The following ENTREP2 variants were observed in gnomAD, a reference collection of about 807,000 sequenced individuals.
The protein encoded by ENTREP2 is endosomal transmembrane epsin interactor 2.
chr15:29,418,635 C>T, the ENTREP2 span, among the ~76,000 whole-genome samples: 1 of 152,192 alleles, frequency 6.6e-6, no homozygotes, highest in Admixed American at 6.5e-5. Flanking sequence ...TCATCAGTGT[C>T]CCCAGTAAGA....
the ENTREP2 span, among the ~76,000 whole-genome samples, chr15:29,312,997 C>G: frequency 1.2e-3 from 178 of 152,302 alleles, 2 homozygotes; most frequent in South Asian, 7.7e-3. Context: ...CACGAATGAT[C>G]AAGAAAACAG....
chr15:29,485,138 A>C, the ENTREP2 span, among the ~76,000 whole-genome samples: 1 of 152,280 alleles, frequency 6.6e-6, no homozygotes, highest in Admixed American at 6.5e-5. Context: ...TCAAGCAAAA[A>C]CTGTCAGAAT....
chr15:29,125,547 C>T, the ENTREP2 span, among the ~76,000 whole-genome samples: 3 of 152,176 alleles, frequency 2.0e-5, no homozygotes, highest in African/African-American at 4.8e-5. Context: ...GGACCCACTG[C>T]GCCCTCTTCA....
chr15:29,649,093 G>C, the ENTREP2 span, among the ~76,000 whole-genome samples: 1 of 129,076 alleles, frequency 7.7e-6, no homozygotes, highest in African/African-American at 3.2e-5. Flanking sequence ...CACACACACA[G>C]CTATTATGCC....
the ENTREP2 span, among the ~76,000 whole-genome samples, chr15:29,150,872 T>C: frequency 1.3e-5 from 2 of 151,818 alleles, no homozygotes; most frequent in Non-Finnish European, 2.9e-5. Context: ...GGAAGCAGCG[T>C]AGGTCTCAAA....
chr15:29,155,021 G>A, the ENTREP2 span, among the ~76,000 whole-genome samples: 5 of 152,132 alleles, frequency 3.3e-5, no homozygotes, highest in Admixed American at 1.3e-4. Flanking sequence ...GGTGGCTCAT[G>A]CCTGTAATCC....
At chr15:29,535,371 A>G in the ENTREP2 span, among the ~76,000 whole-genome samples, 1 of 150,934 alleles carries the variant, frequency 6.6e-6, no homozygotes, top group Non-Finnish European at 1.5e-5. Flanking sequence ...AAAAGACAAT[A>G]GTTTCAGTGT....
the ENTREP2 span, among the ~76,000 whole-genome samples, chr15:29,131,349 T>C: frequency 6.6e-6 from 1 of 151,826 alleles, no homozygotes; most frequent in African/African-American, 2.4e-5. Flanking sequence ...TCACAACTCC[T>C]TGTCTCGCAC....
At chr15:29,464,203 T>C in the ENTREP2 span, among the ~76,000 whole-genome samples, 4 of 151,970 alleles carry the variant, frequency 2.6e-5, no homozygotes, top group Non-Finnish European at 5.9e-5. Flanking sequence ...GTAAATGTTA[T>C]GTTATAGATA....
the ENTREP2 span, among the ~76,000 whole-genome samples, chr15:29,529,768 C>T: frequency 3.9e-5 from 6 of 152,082 alleles, no homozygotes; most frequent in Non-Finnish European, 5.9e-5. Flanking sequence ...CTCAAATGAG[C>T]TAATAAAATT....
chr15:29,409,787 T>C, the ENTREP2 span, among the ~76,000 whole-genome samples: 1 of 152,152 alleles, frequency 6.6e-6, no homozygotes, highest in Non-Finnish European at 1.5e-5. Context: ...CGATGTTTTT[T>C]AAATTTCCAC....
chr15:29,364,651 T>C, the ENTREP2 span, among the ~76,000 whole-genome samples: 2 of 152,224 alleles, frequency 1.3e-5, no homozygotes, highest in Admixed American at 6.5e-5. Flanking sequence ...GAGACAGAGA[T>C]AGATCATGCC....
chr15:29,264,879 ATATG>A, the ENTREP2 span: 1 of 152,238 alleles, frequency 6.6e-6, no homozygotes, highest in Admixed American at 6.5e-5. Flanking sequence ...ATTTTGAGCT[ATATG>A]TATTTAAAAA....
chr15:29,594,993 A>G, the ENTREP2 span, among the ~76,000 whole-genome samples: 497 of 140,178 alleles, frequency 3.5e-3, 12 homozygotes, highest in Admixed American at 0.035. Flanking sequence ...GCGTGAACCC[A>G]GGAGGCGGAG....
chr15:29,625,904 T>A, the ENTREP2 span, among the ~76,000 whole-genome samples: 1 of 152,036 alleles, frequency 6.6e-6, no homozygotes, highest in Non-Finnish European at 1.5e-5. Context: ...TGGAGTGCAG[T>A]GGCATGATCT....
At chr15:29,196,419 A>G in the ENTREP2 span, 566 of 1,549,704 alleles carry the variant, frequency 3.7e-4, no homozygotes, top group Non-Finnish European at 4.8e-4. Flanking sequence ...AGCAGCGCCC[A>G]GCGGGGTCAC....
the ENTREP2 span, among the ~76,000 whole-genome samples, chr15:29,369,277 C>T: frequency 2.5e-3 from 379 of 152,212 alleles, no homozygotes; most frequent in Non-Finnish European, 3.8e-3. Flanking sequence ...CATGCCTAGA[C>T]ATATCATAAA....
chr15:29,493,645 T>G, the ENTREP2 span, among the ~76,000 whole-genome samples: 4 of 151,124 alleles, frequency 2.6e-5, no homozygotes, highest in African/African-American at 2.5e-5. Flanking sequence ...CAGATAGAAA[T>G]AAACAGAATA....
chr15:29,608,667 G>A, the ENTREP2 span, among the ~76,000 whole-genome samples: 3 of 151,726 alleles, frequency 2.0e-5, no homozygotes, highest in Middle Eastern at 3.4e-3. Context: ...TCCCAGGTTC[G>A]CCCATTCTCC....
Sources: allele counts gnomAD v4.1 joint callset (sites outside exome capture counted in the v4.1 genomes callset), GRCh38; gene constraint gnomAD v4.1.1; transcripts MANE v1.5; gene names NCBI Gene and HGNC (gene_info 2026-07-23, HGNC 2026-07-21).